Variants in BCAS3 observed in about 807,000 individuals in gnomAD.
BCAS3 encodes BCAS4/BCAS3 fusion.
A neutral mutation model predicts 116.1 loss-of-function variants in BCAS3; 53 were observed. The observed-to-expected ratio is 0.46, with a 90% CI of 0.37 to 0.57. The LOEUF is 0.57. BCAS3 is among the 20% of genes least tolerant of loss of function. The pLI, the probability that BCAS3 is intolerant of heterozygous loss-of-function variation, is 0.00. For missense variants in BCAS3, 917 were observed against 1,165.4 expected (o/e 0.79, Z 3.10); for synonymous variants, 391 against 408.2 (o/e 0.96, Z 0.51).
At position 61,354,149 on chromosome 17, in the gene BCAS3, T is replaced by G. The variant is rs1253564048; in HGVS notation, c.2426-14178T>G. On this transcript the variant is annotated intron_variant, in intron 22 of 23. Transcript: ENST00000407086. This position sits in a 1 kb window ranked among gnomAD's most constrained non-coding sequence, Gnocchi z 4.5. ...TTCACAGAAGGTCGCACAACCACCC[T>G]GGACGGTGAGAAACTAAGGTGACTG... 1 of 152,188 alleles carries G rather than the reference T, an allele frequency of 6.6e-6. No homozygotes were observed. The highest frequency in any genetic ancestry group is 6.5e-5 in the Admixed American group (1 of 15,276). 9.4% of individuals were successfully genotyped at this position (152,188 alleles called of 1,614,324 possible).
rs151173598 is a variant in BCAS3 at position 61,364,067 on chromosome 17, G to A, written c.2426-4260G>A. 2.8e-3 allele frequency among the ~76,000 whole-genome samples: 426 copies of A among 152,288 alleles called. 1 individual carries two copies. Among genetic ancestry groups the A allele is most frequent in the African/African-American group, 9.6e-3 (401 of 41,560 alleles). ...GGTGTGGAAGGGAAAGAGACAGCGG[G>A]TATGGCAGAGCCTCTGATGGGACTC... On this transcript the variant is annotated intron_variant, in intron 22 of 23. Transcript: ENST00000407086. The surrounding 1 kb of genome is among the most constrained non-coding windows in gnomAD (Gnocchi z 5.4).
chr17:61,197,141 G>T (rs2080527746), intron 22 of BCAS3, among the ~76,000 whole-genome samples: 1 of 152,208 alleles, frequency 6.6e-6, no homozygotes, highest in Non-Finnish European at 1.5e-5. Context: ...GTAACCTGTT[G>T]ATGCTTCAAG....
chr17:61,275,205 G>A (rs2050668484), intron 22 of BCAS3, among the ~76,000 whole-genome samples: 1 of 152,142 alleles, frequency 6.6e-6, no homozygotes, highest in South Asian at 2.1e-4. Flanking sequence ...AACAGCATCA[G>A]AACATAAGAT....
rs1307075631 is a variant in BCAS3, at chr17:61,265,542, T to A, written c.2426-102785T>A. On this transcript the variant is annotated intron_variant, in intron 22 of 23. Transcript: ENST00000407086. The surrounding 1 kb of genome is among the most constrained non-coding windows in gnomAD (Gnocchi z 4.3). ...TGGAAAATACTCTAGACCAAATTTC[T>A]GCTTCTGTGGGCCTGGTTTCTACAA... Among the ~76,000 whole-genome samples, 1 of 152,264 alleles carries A rather than the reference T, an allele frequency of 6.6e-6. No individual in the cohort carries two copies. Among genetic ancestry groups the A allele is most frequent in the African/African-American group, 2.4e-5 (1 of 41,474 alleles).
intron 22 of BCAS3, among the ~76,000 whole-genome samples, chr17:61,109,283 T>TTGTGTGTGTGTGTG (rs113547904): frequency 3.4e-5 from 5 of 145,348 alleles, no homozygotes; most frequent in African/African-American, 1.0e-4. Context: ...AGTATTCCAT[T>TTGTGTGTGTGTGTG]TGTGTGTGTG....
At chr17:61,270,097 G>A (rs1682735482) in intron 22 of BCAS3, among the ~76,000 whole-genome samples, 1 of 148,484 alleles carries the variant, frequency 6.7e-6, no homozygotes, top group Non-Finnish European at 1.5e-5. Flanking sequence ...GAGCCACCAG[G>A]CATGGCCTTC....
chr17:60,810,827 TA>T, intron 7 of BCAS3: 1 of 692,598 alleles, frequency 1.4e-6, no homozygotes, highest in Non-Finnish European at 2.7e-6. Flanking sequence ...GAAGAGGAAG[TA>T]AAAGTCCTAC....
chr17:60,908,731 A>G (rs903825490), intron 11 of BCAS3, among the ~76,000 whole-genome samples: 1 of 152,224 alleles, frequency 6.6e-6, no homozygotes. Context: ...CAAAACAGTT[A>G]CAATTGATTT....
At chr17:61,250,430 G>A (rs1476942336) in intron 22 of BCAS3, among the ~76,000 whole-genome samples, 2 of 152,160 alleles carry the variant, frequency 1.3e-5, no homozygotes, top group South Asian at 2.1e-4. Context: ...CCCAGAGAAG[G>A]CTTGTTTTTC....
rs568097501 is a variant in BCAS3, at chr17:60,964,584, A to G, written c.1221+17232A>G. Among the ~76,000 whole-genome samples the G allele has an allele frequency of 1.3e-5, 2 of 152,234 alleles. No individual in the cohort carries two copies. The highest frequency in any genetic ancestry group is 2.1e-4 in the South Asian group (1 of 4,818). On this transcript the variant is annotated intron_variant, in intron 14 of 23. Coordinates refer to ENST00000407086, the MANE Select transcript of BCAS3 (RefSeq NM_017679.5). The surrounding 1 kb of genome is among the most constrained non-coding windows in gnomAD (Gnocchi z 4.6). ...GTTTGGAAGTATGTCCTCCTCTTCA[A>G]TTTTTTTGAAGAGTTTGAGTACAAT...
intron 6 of BCAS3, among the ~76,000 whole-genome samples, chr17:60,778,094 A>T (rs1296409527): frequency 1.3e-5 from 2 of 151,828 alleles, no homozygotes; most frequent in Non-Finnish European, 2.9e-5. Context: ...CATTTGTTGG[A>T]TATATGATTT....
rs869116570 is a variant in BCAS3, at chr17:61,278,951, CTTT to C, written c.2426-89362_2426-89360del. 7.1e-6 allele frequency among the ~76,000 whole-genome samples: 1 copy of C among 140,614 alleles called. No individual in the cohort carries two copies. 92.2% of individuals were successfully genotyped at this position (140,614 alleles called of 152,430 possible). ...ACACTAAAAGCCATTGAATTATGTA[CTTT>C]TTTTTTTTTTTTTAAAGATGGAGTC... On this transcript the variant is annotated intron_variant, in intron 22 of 23. Transcript: ENST00000407086. The surrounding 1 kb of genome is among the most constrained non-coding windows in gnomAD (Gnocchi z 5.8).
At chr17:60,750,482 A>G (rs906670458) in intron 6 of BCAS3, among the ~76,000 whole-genome samples, 1 of 151,696 alleles carries the variant, frequency 6.6e-6, no homozygotes, top group Non-Finnish European at 1.5e-5. Context: ...ATAAGGCAAG[A>G]AAAAAAAATA....
Position 61,034,739 on chromosome 17 carries a change from G to A in BCAS3, c.1711G>A (p.Gly571Arg), listed in dbSNP as rs56710603. The change falls in exon 17 of 24, where the codon GGA (glycine) becomes AGA (arginine). Residue 571 changes from glycine to arginine, a missense_variant. By Grantham distance (125) the Gly-to-Arg change is moderately radical. This residue lies in a region of BCAS3 where 807 missense variants were observed against 1,026.0 expected (regional missense o/e 0.79). Coordinates refer to ENST00000407086, the MANE Select transcript of BCAS3 (RefSeq NM_017679.5). This position sits in a 1 kb window ranked among gnomAD's most constrained non-coding sequence, Gnocchi z 5.0. ...AGAATTTTGTGTGGCTGCTATCTTCGGAACATCCAGGTCATGGTTTGCAAA... is the reference window on the plus strand; with the variant it reads ...AGAATTTTGTGTGGCTGCTATCTTCAGAACATCCAGGTCATGGTTTGCAAA... ...GGEFCVAAIF[G>R]TSRSWFANNA... is the part of the protein sequence containing the mutation. The A allele has an allele frequency of 6.2e-6, 10 of 1,612,814 alleles. No homozygotes were observed. The highest frequency in any genetic ancestry group is 2.7e-5 in the African/African-American group (2 of 74,822).
chr17:61,295,950 G>C (rs1364444911), intron 22 of BCAS3, among the ~76,000 whole-genome samples: 1 of 136,900 alleles, frequency 7.3e-6, no homozygotes, highest in East Asian at 2.1e-4. Context: ...GCAAGACTCC[G>C]TCTCAAAAAA....
chr17:60,750,836 C>T (rs1385407616), intron 6 of BCAS3, among the ~76,000 whole-genome samples: 1 of 152,196 alleles, frequency 6.6e-6, no homozygotes, highest in Non-Finnish European at 1.5e-5. Flanking sequence ...TACTTATGTC[C>T]TTCTAACCCT....
chr17:61,368,617 TC>T lies in BCAS3; in HGVS notation c.2593+125del. 8.7e-7 allele frequency: 1 copy of T among 1,147,308 alleles called. No homozygotes were observed. The highest frequency in any genetic ancestry group is 1.2e-6 in the Non-Finnish European group (1 of 830,500). 71.1% of individuals were successfully genotyped at this position (1,147,308 alleles called of 1,614,324 possible). On this transcript the variant is annotated intron_variant, in intron 23 of 23. Transcript: ENST00000407086. The surrounding 1 kb of genome is among the most constrained non-coding windows in gnomAD (Gnocchi z 6.0). ...TGCTGTTGGTTTCTTTAGTTAGCACTCCAGTGGCTATCCGTCTGAGGAGCTC... is the reference window on the plus strand; with the variant it reads ...TGCTGTTGGTTTCTTTAGTTAGCACTCAGTGGCTATCCGTCTGAGGAGCTC...
In BCAS3 at chr17:61,229,088, C is replaced by T. The variant is rs2082522619; in HGVS notation, c.2426-139239C>T. Among the ~76,000 whole-genome samples, 1 of 152,194 alleles carries T rather than the reference C, an allele frequency of 6.6e-6. No individual in the cohort carries two copies. The highest frequency in any genetic ancestry group is 1.9e-4 in the East Asian group (1 of 5,190). On this transcript the variant is annotated intron_variant, in intron 22 of 23. Coordinates refer to ENST00000407086, the MANE Select transcript of BCAS3 (RefSeq NM_017679.5). This position sits in a 1 kb window ranked among gnomAD's most constrained non-coding sequence, Gnocchi z 4.4. The stretch of plus-strand genomic sequence containing the variant: ...TCTGGATGGCAGATAAAACCAACCA[C>T]AACATTTCTCAAACTGTTGGCCTCA...
At chr17:61,374,160 G>C (rs1169343693) in intron 23 of BCAS3, among the ~76,000 whole-genome samples, 1 of 149,002 alleles carries the variant, frequency 6.7e-6, no homozygotes, top group African/African-American at 2.5e-5. Flanking sequence ...AGGAGTATCT[G>C]AGTATCTGTT....
Sources: allele counts gnomAD v4.1 joint callset (sites outside exome capture counted in the v4.1 genomes callset), GRCh38; gene constraint gnomAD v4.1.1; regional missense constraint gnomAD v4.1.1; non-coding constraint Gnocchi (gnomAD v3.1); transcripts MANE v1.5; gene names NCBI Gene and HGNC (gene_info 2026-07-23, HGNC 2026-07-21).